Variants in NALF1 observed in about 807,000 individuals in gnomAD.
NALF1 encodes family with sequence similarity 155 member A.
NALF1 carries 3 observed loss-of-function variants against 48.4 expected under a neutral mutation model. The ratio of observed to expected loss-of-function variants is 0.06; its 90% CI spans 0.03 to 0.16. The LOEUF (loss-of-function observed/expected upper bound fraction) is 0.16. Ranked by LOEUF, NALF1 falls within the 10% of genes least tolerant of loss-of-function variation. The probability of loss-of-function intolerance (pLI) is 1.00; values close to 1 mark genes in which losing one functional copy is unlikely to be tolerated. For missense variants in NALF1, 526 were observed against 571.5 expected (o/e 0.92, Z 0.81); for synonymous variants, 262 against 245.7 (o/e 1.07, Z -0.62).
intron 1 of NALF1, among the ~76,000 whole-genome samples, chr13:107,547,072 T>G (rs1566387743): frequency 6.6e-6 from 1 of 152,208 alleles, no homozygotes; most frequent in African/African-American, 2.4e-5. Context: ...TTTGTAAACA[T>G]CTTTGTTCAA....
At chr13:107,663,115 T>C (rs1880770784) in intron 1 of NALF1, among the ~76,000 whole-genome samples, 1 of 152,236 alleles carries the variant, frequency 6.6e-6, no homozygotes, top group African/African-American at 2.4e-5. Flanking sequence ...AAATTGATTA[T>C]GTTGGTACTA....
intron 1 of NALF1, among the ~76,000 whole-genome samples, chr13:107,739,950 AC>A (rs1566464026): frequency 6.6e-6 from 1 of 152,200 alleles, no homozygotes; most frequent in East Asian, 1.9e-4. Context: ...CCAAGATGGG[AC>A]CATCTAGTTA....
intron 1 of NALF1, among the ~76,000 whole-genome samples, chr13:107,500,670 CACTATTCACAATAGCAAAG>C (rs1875493235): frequency 6.6e-6 from 1 of 150,860 alleles, no homozygotes; most frequent in Admixed American, 6.6e-5. Flanking sequence ...TTTATTGTGG[CACTATTCACAATAGCAAAG>C]ACTTGGAACC....
At position 107,696,580 on chromosome 13, in the gene NALF1, G is replaced by C. The variant is rs558063107; in HGVS notation, c.915+169102C>G. Among the ~76,000 whole-genome samples the C allele has an allele frequency of 1.4e-3, 207 of 151,584 alleles. 2 individuals are homozygous for C. In the South Asian group the frequency reaches 0.015, roughly 11 times the overall value. On this transcript the variant is annotated intron_variant, in intron 1 of 2. Transcript: ENST00000375915. ...TGTGTGTGTGTGTGTGTGTGTGTGTGTGTGTGTGTATTTCTCTTATATACA... is the reference window on the plus strand; with the variant it reads ...TGTGTGTGTGTGTGTGTGTGTGTGTCTGTGTGTGTATTTCTCTTATATACA...
chr13:107,461,220 TA>T (rs1283158489), intron 1 of NALF1, among the ~76,000 whole-genome samples: 1 of 152,184 alleles, frequency 6.6e-6, no homozygotes, highest in Non-Finnish European at 1.5e-5. Context: ...TGCTTTCTTC[TA>T]AAAATGAGAT....
chr13:107,721,680 A>G (rs879728177), intron 1 of NALF1, among the ~76,000 whole-genome samples: 1 of 151,916 alleles, frequency 6.6e-6, no homozygotes, highest in African/African-American at 2.4e-5. Flanking sequence ...GAATCCAAAC[A>G]CCTAATTCCC....
chr13:107,540,401 A>G (rs943034372), intron 1 of NALF1, among the ~76,000 whole-genome samples: 8 of 152,156 alleles, frequency 5.3e-5, no homozygotes, highest in Non-Finnish European at 1.2e-4. Context: ...CTTATACTAC[A>G]TAAACAACAT....
chr13:107,447,504 C>T (rs554544603), intron 1 of NALF1, among the ~76,000 whole-genome samples: 26 of 152,306 alleles, frequency 1.7e-4, no homozygotes, highest in African/African-American at 6.0e-4. Flanking sequence ...ACATAGGAAT[C>T]CCGGGAGCTA....
intron 1 of NALF1, among the ~76,000 whole-genome samples, chr13:107,795,813 A>C (rs924006188): frequency 1.3e-5 from 2 of 152,224 alleles, no homozygotes; most frequent in Non-Finnish European, 2.9e-5. Context: ...AAAAGAAATT[A>C]TTCTTCTCTA....
intron 1 of NALF1, among the ~76,000 whole-genome samples, chr13:107,388,021 ATGTT>A (rs374967414): frequency 6.6e-6 from 1 of 152,250 alleles, no homozygotes; most frequent in Non-Finnish European, 1.5e-5. Context: ...CCCTGAGTGA[ATGTT>A]TGTAGAATGT....
At chr13:107,205,131 T>C (rs937895197) in intron 2 of NALF1, among the ~76,000 whole-genome samples, 1 of 152,070 alleles carries the variant, frequency 6.6e-6, no homozygotes, top group African/African-American at 2.4e-5. Flanking sequence ...GCATTAGGTA[T>C]ATCTCCCAAT....
At chr13:107,549,931 C>T (rs1877244473) in intron 1 of NALF1, among the ~76,000 whole-genome samples, 2 of 151,878 alleles carry the variant, frequency 1.3e-5, no homozygotes, top group Admixed American at 6.6e-5. Context: ...TGGTCTAGAA[C>T]ACTTACTGAG....
chr13:107,434,440 T>G (rs12428701), intron 1 of NALF1, among the ~76,000 whole-genome samples: 37,722 of 152,160 alleles, frequency 0.25, 4,795 homozygotes, highest in Middle Eastern at 0.3. Context: ...TAACTGGAAT[T>G]GTAGGAGACC....
chr13:107,706,980 T>C (rs1332972807), intron 1 of NALF1, among the ~76,000 whole-genome samples: 2 of 117,868 alleles, frequency 1.7e-5, no homozygotes, highest in African/African-American at 3.3e-5. Flanking sequence ...TGGAGTGCAG[T>C]GGCGTGATCT....
chr13:107,818,635 G>A (rs1400477504), intron 1 of NALF1, among the ~76,000 whole-genome samples: 1 of 112,468 alleles, frequency 8.9e-6, no homozygotes, highest in African/African-American at 3.3e-5. Context: ...CACTTTGGGA[G>A]GCCGAGGCGG....
At chr13:107,780,375 GA>G (rs770047210) in intron 1 of NALF1, among the ~76,000 whole-genome samples, 11 of 151,640 alleles carry the variant, frequency 7.3e-5, no homozygotes, top group Non-Finnish European at 8.8e-5. Context: ...CTGTGCCTTA[GA>G]AAAAAAGTCC....
intron 1 of NALF1, among the ~76,000 whole-genome samples, chr13:107,266,506 TAA>T (rs1412692906): frequency 6.6e-6 from 1 of 152,172 alleles, no homozygotes; most frequent in African/African-American, 2.4e-5. Flanking sequence ...TCACTACTCT[TAA>T]GTTTCCCACC....
intron 1 of NALF1, among the ~76,000 whole-genome samples, chr13:107,534,135 G>A (rs576182068): frequency 4.1e-4 from 63 of 152,158 alleles, no homozygotes; most frequent in African/African-American, 1.4e-3. Context: ...TGTGAGATAC[G>A]TAGGTTCTGG....
At chr13:107,459,081 C>A (rs1470422281) in intron 1 of NALF1, among the ~76,000 whole-genome samples, 1 of 151,542 alleles carries the variant, frequency 6.6e-6, no homozygotes, top group Non-Finnish European at 1.5e-5. Flanking sequence ...AAAATTAAAA[C>A]CTTCTGCTCT....
Sources: gnomAD v4.1 joint callset for allele counts (sites outside exome capture counted in the v4.1 genomes callset) on GRCh38, gnomAD v4.1.1 for gene constraint, MANE v1.5 for transcripts, NCBI Gene and HGNC (gene_info 2026-07-23, HGNC 2026-07-21) for gene names.